RTN3: variants seen among roughly 807,000 people sequenced by gnomAD.
The protein encoded by RTN3 is reticulon-3.
RTN3 carries 49 observed loss-of-function variants against 77.8 expected under a neutral mutation model. That is an observed-to-expected ratio of 0.63 (90% CI 0.50 to 0.80). The LOEUF is 0.80. Among genes scored for constraint, RTN3 ranks in the 30% least tolerant of loss-of-function variants. The pLI, the probability that RTN3 is intolerant of heterozygous loss-of-function variation, is 0.00. For missense variants in RTN3, 1,236 were observed against 1,211.9 expected (o/e 1.02, Z -0.29); for synonymous variants, 464 against 446.9 (o/e 1.04, Z -0.48).
At chr11:63,723,038 T>G (rs2011932493) in intron 3 of RTN3, among the ~76,000 whole-genome samples, 1 of 152,216 alleles carries the variant, frequency 6.6e-6, no homozygotes, top group South Asian at 2.1e-4. Flanking sequence ...TTTGTTAATG[T>G]GATGATCATT....
At chr11:63,685,007 A>T (rs1227971111) in intron 1 of RTN3, among the ~76,000 whole-genome samples, 1 of 150,794 alleles carries the variant, frequency 6.6e-6, no homozygotes, top group South Asian at 2.1e-4. Flanking sequence ...TGATCCGCCC[A>T]CCTCGGCCTC....
chr11:63,702,733 T>A (rs1942305315), intron 1 of RTN3, among the ~76,000 whole-genome samples: 1 of 151,860 alleles, frequency 6.6e-6, no homozygotes, highest in African/African-American at 2.4e-5. Context: ...TTGCCCAGGC[T>A]GGAGTGCAAT....
chr11:63,693,030 T>A (rs1201476584), intron 1 of RTN3, among the ~76,000 whole-genome samples: 1 of 152,040 alleles, frequency 6.6e-6, no homozygotes, highest in Non-Finnish European at 1.5e-5. Context: ...CTTCCTTGGC[T>A]TCTCGATGTG....
intron 2 of RTN3, among the ~76,000 whole-genome samples, chr11:63,706,596 A>G (rs1942504935): frequency 1.3e-5 from 2 of 152,198 alleles, no homozygotes; most frequent in African/African-American, 2.4e-5. Flanking sequence ...TGTGGGCCAA[A>G]TAATGACCTC....
intron 3 of RTN3, among the ~76,000 whole-genome samples, chr11:63,723,334 C>T (rs955546840): frequency 6.6e-6 from 1 of 151,540 alleles, no homozygotes; most frequent in African/African-American, 2.4e-5. Context: ...AAAATATAAT[C>T]CATTTCATTG....
intron 2 of RTN3, among the ~76,000 whole-genome samples, chr11:63,712,476 G>A (rs1565315080): frequency 2.2e-5 from 3 of 137,328 alleles, no homozygotes; most frequent in African/African-American, 5.3e-5. Flanking sequence ...GTGATTAAAG[G>A]ACTTTGATTT....
rs1339233837 is a variant in RTN3 at position 63,755,832 on chromosome 11, G to A, written c.2995-280G>A. Among the ~76,000 whole-genome samples, 6 of 151,436 alleles carry A rather than the reference G, an allele frequency of 4.0e-5. No homozygotes were observed. In the South Asian group the frequency reaches 6.3e-4, roughly 16 times the overall value. ...AAATTAGCCAGGCGTGGTGGCGGGC[G>A]CCCGTAGTCCCAGCTACTCGGGAGG... is the stretch of plus-strand genomic sequence containing the variant. On this transcript the variant is annotated intron_variant, in intron 7 of 8. Coordinates refer to ENST00000377819, the MANE Select transcript of RTN3 (RefSeq NM_001265589.2).
chr11:63,715,210 G>GT (rs2011322853), intron 2 of RTN3, among the ~76,000 whole-genome samples: 1 of 152,086 alleles, frequency 6.6e-6, no homozygotes, highest in African/African-American at 2.4e-5. Context: ...AATTTTTTCT[G>GT]TTTTATTCAC....
chr11:63,713,611 G>A (rs919974194), intron 2 of RTN3, among the ~76,000 whole-genome samples: 26 of 152,158 alleles, frequency 1.7e-4, no homozygotes, highest in African/African-American at 5.3e-4. Context: ...ACACTCAGCT[G>A]ATTCCCTTTT....
At chr11:63,693,715 GTT>G (rs1941786314) in intron 1 of RTN3, among the ~76,000 whole-genome samples, 1 of 152,184 alleles carries the variant, frequency 6.6e-6, no homozygotes, top group South Asian at 2.1e-4. Flanking sequence ...ATAGAAATAT[GTT>G]TAAGGTTAGC....
At chr11:63,709,659 TG>T (rs1942655546) in intron 2 of RTN3, among the ~76,000 whole-genome samples, 1 of 152,152 alleles carries the variant, frequency 6.6e-6, no homozygotes, top group South Asian at 2.1e-4. Context: ...GGCTGCAGAA[TG>T]TCTGCTGGCT....
chr11:63,692,234 A>G (rs1436338352), intron 1 of RTN3, among the ~76,000 whole-genome samples: 4 of 151,918 alleles, frequency 2.6e-5, no homozygotes, highest in African/African-American at 7.3e-5. Context: ...TGTTGGTCAG[A>G]CTGGTTTTGA....
intron 1 of RTN3, among the ~76,000 whole-genome samples, chr11:63,695,231 A>G (rs1347507740): frequency 1.3e-5 from 2 of 152,248 alleles, no homozygotes; most frequent in Non-Finnish European, 2.9e-5. Flanking sequence ...TTATTTTCCA[A>G]CAATAAATAA....
intron 3 of RTN3, among the ~76,000 whole-genome samples, chr11:63,725,729 G>C (rs1452417541): frequency 6.6e-6 from 1 of 152,152 alleles, no homozygotes. Flanking sequence ...TGGAATTACA[G>C]GCATGAGCCA....
Position 63,716,994 on chromosome 11 carries a change from AAG to A in RTN3, c.200-1706_200-1705del, listed in dbSNP as rs10646469. Among the ~76,000 whole-genome samples, 3 of 148,994 alleles carry A rather than the reference AAG, an allele frequency of 2.0e-5. No individual in the cohort carries two copies. In the East Asian group the frequency reaches 5.9e-4, roughly 30 times the overall value. ...AAAAAAAAAACAAAAAAAAAAAAAA[AAG>A]AAAAGAAAGTTTAAAAATTAGCCAG... is the stretch of plus-strand genomic sequence containing the variant. On this transcript the variant is annotated intron_variant, in intron 2 of 8. Coordinates refer to ENST00000377819, the MANE Select transcript of RTN3 (RefSeq NM_001265589.2).
At position 63,704,900 on chromosome 11, in the gene RTN3, C is replaced by T. The variant is rs776541948; in HGVS notation, c.192C>T (p.Thr64=). The change falls in exon 2 of 9, where the codon ACC becomes ACT. Residue 64 remains threonine, a synonymous_variant. Coordinates refer to ENST00000377819, the MANE Select transcript of RTN3 (RefSeq NM_001265589.2). ...CTCAGCCTGTATCTCTATTTTCGAC[C>T]TCACAAGGCAAGTCTGTAATTTTTT... ...SSSQPVSLFS[T]SQEGLSSLCS... 10 of 1,610,544 alleles carry T rather than the reference C, an allele frequency of 6.2e-6. No individual in the cohort carries two copies. The highest frequency in any genetic ancestry group is 1.1e-5 in the South Asian group (1 of 91,022).
intron 2 of RTN3, among the ~76,000 whole-genome samples, chr11:63,708,216 C>T (rs762833727): frequency 2.2e-4 from 33 of 152,162 alleles, no homozygotes; most frequent in Non-Finnish European, 4.0e-4. Flanking sequence ...ACTTTGAGTC[C>T]GTCACTGACA....
At chr11:63,701,118 T>C (rs2134706006) in intron 1 of RTN3, among the ~76,000 whole-genome samples, 1 of 152,208 alleles carries the variant, frequency 6.6e-6, no homozygotes, top group East Asian at 1.9e-4. Context: ...TTTCAGCTTT[T>C]AGTGCTCATA....
At chr11:63,694,626 T>C (rs1051373288) in intron 1 of RTN3, among the ~76,000 whole-genome samples, 13 of 151,736 alleles carry the variant, frequency 8.6e-5, no homozygotes, top group African/African-American at 3.1e-4. Context: ...GCGTGGCTAT[T>C]TTTTGTATTT....
Sources: allele counts gnomAD v4.1 joint callset (sites outside exome capture counted in the v4.1 genomes callset), GRCh38; gene constraint gnomAD v4.1.1; transcripts MANE v1.5; gene names NCBI Gene and HGNC (gene_info 2026-07-23, HGNC 2026-07-21).